The following SYT1 variants were observed in gnomAD, a reference collection of about 807,000 sequenced individuals.
The protein encoded by SYT1 is synaptotagmin 1.
In SYT1, 8 loss-of-function variants were observed where a neutral mutation model predicts 44.8. The observed-to-expected ratio is 0.18, with a 90% CI of 0.10 to 0.32. The LOEUF (loss-of-function observed/expected upper bound fraction) is 0.32, where lower values mean the gene tolerates loss of function less well. SYT1 is among the 10% of genes least tolerant of loss of function. The pLI is 1.00. For synonymous variants in SYT1, 154 were observed against 188.8 expected, an observed-to-expected ratio of 0.82 and a Z score of 1.51; for missense variants, 286 against 509.3, an observed-to-expected ratio of 0.56 and a Z score of 4.22.
intron 3 of SYT1, among the ~76,000 whole-genome samples, chr12:79,128,008 T>C (rs1868552184): frequency 6.6e-6 from 1 of 152,082 alleles, no homozygotes; most frequent in East Asian, 1.9e-4. Flanking sequence ...AGTCATAATA[T>C]AGATGAGTGG....
At chr12:79,286,117 A>G in intron 5 of SYT1, 146 bp downstream of exon 5, 1 of 892,636 alleles carries the variant, frequency 1.1e-6, no homozygotes, top group Non-Finnish European at 1.6e-6. Context: ...GTCATTGTTC[A>G]AGATCCCAAA....
chr12:79,343,619 T>TAATGTTGA (rs764128820), intron 8 of SYT1, among the ~76,000 whole-genome samples: 1 of 152,200 alleles, frequency 6.6e-6, no homozygotes, highest in Non-Finnish European at 1.5e-5. Context: ...AAGCATATTT[T>TAATGTTGA]AATGTTGAAA....
chr12:78,995,568 G>A (rs1870322119), intron 2 of SYT1, among the ~76,000 whole-genome samples: 1 of 152,130 alleles, frequency 6.6e-6, no homozygotes, highest in Non-Finnish European at 1.5e-5. Context: ...TTCATTTCTA[G>A]CAGCAAAGAA....
At chr12:79,018,349 T>C (rs1310058681) in intron 2 of SYT1, among the ~76,000 whole-genome samples, 1 of 65,790 alleles carries the variant, frequency 1.5e-5, no homozygotes, top group African/African-American at 6.1e-5. Flanking sequence ...GGTTGTGGGG[T>C]AGGGGAGGGG....
intron 9 of SYT1, among the ~76,000 whole-genome samples, chr12:79,366,197 A>G (rs1051763956): frequency 6.6e-6 from 1 of 152,264 alleles, no homozygotes; most frequent in Non-Finnish European, 1.5e-5. Flanking sequence ...ATATCACAGT[A>G]TATCTCCAGT....
chr12:79,036,619 T>G (rs995823133), intron 2 of SYT1: 2 of 151,828 alleles, frequency 1.3e-5, no homozygotes, highest in African/African-American at 2.4e-5. Context: ...TGCATACCTA[T>G]ATCAATAGTA....
At position 79,082,328 on chromosome 12, in the gene SYT1, A is replaced by G. The variant is rs143308018; in HGVS notation, c.-18+34966A>G. Among the ~76,000 whole-genome samples, 1,399 of 152,316 alleles carry G rather than the reference A, an allele frequency of 9.2e-3. 12 individuals are homozygous for G. The highest frequency in any genetic ancestry group is 0.024 in the Middle Eastern group (7 of 294). On this transcript the variant is annotated intron_variant, in intron 3 of 10. Transcript: ENST00000261205. ...CAACAGTCTGCAAGAAGTAGCTTCA[A>G]TAAACATCACAGGATAGCAACTTTC...
chr12:78,926,686 G>A (rs575053843), intron 1 of SYT1: 7 of 152,076 alleles, frequency 4.6e-5, no homozygotes, highest in African/African-American at 1.2e-4. Flanking sequence ...GAAGCAAATA[G>A]AGATGACATA....
intron 2 of SYT1, among the ~76,000 whole-genome samples, chr12:79,034,007 G>C (rs1179315156): frequency 1.3e-5 from 2 of 151,426 alleles, no homozygotes; most frequent in African/African-American, 4.8e-5. Flanking sequence ...GGAGTTAAAA[G>C]TAGTATGACA....
chr12:78,966,142 A>AT (rs915464576), intron 1 of SYT1, among the ~76,000 whole-genome samples: 3 of 151,880 alleles, frequency 2.0e-5, no homozygotes, highest in African/African-American at 2.4e-5. Context: ...CATAGTTCAC[A>AT]TTTTTTTACT....
At chr12:78,932,063 G>T (rs933154626) in intron 1 of SYT1, among the ~76,000 whole-genome samples, 1 of 152,212 alleles carries the variant, frequency 6.6e-6, no homozygotes, top group African/African-American at 2.4e-5. Context: ...CTGCCACAAG[G>T]TGTGTTTCCT....
In SYT1 at chr12:79,076,271, A is replaced by G. The variant is rs1876643378; in HGVS notation, c.-18+28909A>G. ...TCTCTGGGTATAGCGAGGCACCTCTAGAATGAGGGTTTTATGACCTGCTTC... is the reference window on the plus strand; with the variant it reads ...TCTCTGGGTATAGCGAGGCACCTCTGGAATGAGGGTTTTATGACCTGCTTC... On this transcript the variant is annotated intron_variant, in intron 3 of 10. Transcript: ENST00000261205. Among the ~76,000 whole-genome samples, 8 of 152,146 alleles carry G rather than the reference A, an allele frequency of 5.3e-5. No individual in the cohort carries two copies. The South Asian group carries it at 1.7e-3, about 32-fold the overall frequency.
chr12:79,313,724 C>A (rs1250693050), intron 8 of SYT1, among the ~76,000 whole-genome samples: 2 of 152,028 alleles, frequency 1.3e-5, no homozygotes, highest in African/African-American at 4.8e-5. Flanking sequence ...CATGACTCCG[C>A]TTACTACTGA....
intron 3 of SYT1, among the ~76,000 whole-genome samples, chr12:79,178,844 C>T (rs1489468486): frequency 6.7e-6 from 1 of 149,184 alleles, no homozygotes; most frequent in Non-Finnish European, 1.5e-5. Context: ...ATGGCGTGAT[C>T]TCGGCTCACT....
intron 3 of SYT1, among the ~76,000 whole-genome samples, chr12:79,214,174 A>C (rs549575976): frequency 6.6e-6 from 1 of 152,200 alleles, no homozygotes. Flanking sequence ...AATTACCCAC[A>C]ACATTTTTGT....
chr12:79,328,911 T>G (rs1157380981), intron 8 of SYT1, among the ~76,000 whole-genome samples: 5 of 151,926 alleles, frequency 3.3e-5, no homozygotes, highest in African/African-American at 1.2e-4. Flanking sequence ...TCAAAAGAAT[T>G]CCAAAGGAAA....
At chr12:79,303,615 A>G (rs906988319) in intron 8 of SYT1, among the ~76,000 whole-genome samples, 2 of 152,164 alleles carry the variant, frequency 1.3e-5, no homozygotes, top group Non-Finnish European at 2.9e-5. Context: ...ACATAATTTA[A>G]TTAGTATCCA....
At chr12:79,259,156 C>G (rs1219172247) in intron 4 of SYT1, among the ~76,000 whole-genome samples, 2 of 152,150 alleles carry the variant, frequency 1.3e-5, no homozygotes, top group African/African-American at 4.8e-5. Context: ...CCTGGTCTTC[C>G]TCTCTGTCCT....
intron 9 of SYT1, among the ~76,000 whole-genome samples, chr12:79,416,452 T>G (rs1362956129): frequency 6.6e-6 from 1 of 152,192 alleles, no homozygotes. Context: ...TATGTATAGA[T>G]CCTCTTCTAA....
Sources: gnomAD v4.1 joint callset for allele counts (sites outside exome capture counted in the v4.1 genomes callset) on GRCh38, gnomAD v4.1.1 for gene constraint, MANE v1.5 for transcripts, NCBI Gene and HGNC (gene_info 2026-07-23, HGNC 2026-07-21) for gene names.